Variants in MYO5A observed in about 807,000 individuals in gnomAD.
MYO5A encodes myosin VA, also known as unconventional myosin-Va.
A neutral mutation model predicts 249.7 loss-of-function variants in MYO5A; 98 were observed. That is an observed-to-expected ratio of 0.39 (90% confidence interval 0.33 to 0.46). The LOEUF (loss-of-function observed/expected upper bound fraction) is 0.46. Among genes scored for constraint, MYO5A ranks in the 20% least tolerant of loss-of-function variants. The probability of loss-of-function intolerance (pLI) is 0.98; values close to 1 mark genes in which losing one functional copy is unlikely to be tolerated. For missense variants in MYO5A, 1,696 were observed against 2,308.8 expected (o/e 0.73, Z 5.44); for synonymous variants, 778 against 810.6 (o/e 0.96, Z 0.68).
intron 1 of MYO5A, among the ~76,000 whole-genome samples, chr15:52,467,174 T>A (rs2076370316): frequency 6.6e-6 from 1 of 152,140 alleles, no homozygotes; most frequent in African/African-American, 2.4e-5. Context: ...TGGCAATAGA[T>A]CCTAAGCAGA....
chr15:52,496,229 TGGAAGCAGGGCTTA>T (rs1478049216), intron 1 of MYO5A, among the ~76,000 whole-genome samples: 1 of 152,190 alleles, frequency 6.6e-6, no homozygotes, highest in Admixed American at 6.5e-5. Flanking sequence ...CAGACAGGAC[TGGAAGCAGGGCTTA>T]GATGGCTCAT....
chr15:52,413,564 C>T (rs1403123843), intron 5 of MYO5A, among the ~76,000 whole-genome samples: 2 of 152,098 alleles, frequency 1.3e-5, no homozygotes, highest in African/African-American at 4.8e-5. Flanking sequence ...ACTGGAGACG[C>T]CGATATGCCT....
At chr15:52,402,205 G>A (rs56136255) in intron 9 of MYO5A, among the ~76,000 whole-genome samples, 22,706 of 152,198 alleles carry the variant, frequency 0.15, 1,789 homozygotes, top group Middle Eastern at 0.22. Flanking sequence ...AGACCTTCCA[G>A]GAACTATGAA....
intron 31 of MYO5A, among the ~76,000 whole-genome samples, chr15:52,341,365 T>C (rs1052991630): frequency 6.6e-6 from 1 of 152,224 alleles, no homozygotes; most frequent in African/African-American, 2.4e-5. Context: ...GATGTGGTTT[T>C]AGAACACAAA....
At chr15:52,404,945 T>C (rs540070218) in intron 9 of MYO5A, among the ~76,000 whole-genome samples, 215 of 152,124 alleles carry the variant, frequency 1.4e-3, no homozygotes, top group African/African-American at 5.0e-3. Context: ...CATGATATGA[T>C]CCCTAATAGC....
intron 1 of MYO5A, among the ~76,000 whole-genome samples, chr15:52,460,762 C>T (rs936847327): frequency 6.6e-6 from 1 of 151,990 alleles, no homozygotes; most frequent in East Asian, 1.9e-4. Flanking sequence ...TTTCTCCCCC[C>T]ACCCCAAAAC....
intron 11 of MYO5A, among the ~76,000 whole-genome samples, chr15:52,394,165 G>C (rs1258892117): frequency 6.6e-6 from 1 of 152,170 alleles, no homozygotes; most frequent in East Asian, 1.9e-4. Context: ...TACATCCCCA[G>C]ATCAGGTAAC....
chr15:52,377,497 A>C (rs1025415585), intron 18 of MYO5A, among the ~76,000 whole-genome samples: 9 of 152,118 alleles, frequency 5.9e-5, no homozygotes, highest in African/African-American at 1.9e-4. Flanking sequence ...CCTTATCTAG[A>C]AGTATGCAAA....
intron 24 of MYO5A, among the ~76,000 whole-genome samples, chr15:52,363,200 C>G (rs980012443): frequency 2.4e-4 from 37 of 152,082 alleles, no homozygotes; most frequent in African/African-American, 8.7e-4. Flanking sequence ...AAGAATGGAA[C>G]TGGGGAACAT....
chr15:52,516,951 C>G (rs1415075797), intron 1 of MYO5A, among the ~76,000 whole-genome samples: 1 of 152,010 alleles, frequency 6.6e-6, no homozygotes, highest in East Asian at 1.9e-4. Flanking sequence ...CAGATTGATC[C>G]AAGATCAAGA....
In MYO5A at chr15:52,364,516, A is replaced by G. The variant is rs144895009; in HGVS notation, c.3309+38T>C. ...CTATTTACTTTTGTATATGTTTAAA[A>G]TTTTTCATTAAAAAAAAAACAAAAG... On this transcript the variant is annotated intron_variant, in intron 24 of 41. Transcript: ENST00000399233. The G allele has an allele frequency of 2.1e-4, 330 of 1,583,362 alleles. No individual in the cohort carries two copies. In the African/African-American group the frequency reaches 4.1e-3, roughly 20 times the overall value.
At position 52,333,234 on chromosome 15, in the gene MYO5A, A is replaced by G. The variant is rs571358270; in HGVS notation, c.4409-2735T>C. 3.3e-5 allele frequency among the ~76,000 whole-genome samples: 5 copies of G among 152,340 alleles called. No individual in the cohort carries two copies. In the South Asian group the frequency reaches 1.0e-3, roughly 32 times the overall value. On this transcript the variant is annotated intron_variant, in intron 34 of 41. Coordinates refer to ENST00000399233, the MANE Select transcript of MYO5A (RefSeq NM_001382347.1). ...GAGGAGCCCAATGATCCATTCTTCTAGGAAGACCTGAAAAAAGACTCTAGT... is the reference window on the plus strand; with the variant it reads ...GAGGAGCCCAATGATCCATTCTTCTGGGAAGACCTGAAAAAAGACTCTAGT...
chr15:52,374,769 T>C (rs184279615), intron 20 of MYO5A, among the ~76,000 whole-genome samples: 1 of 152,238 alleles, frequency 6.6e-6, no homozygotes, highest in Non-Finnish European at 1.5e-5. Flanking sequence ...TTTTGTCCCA[T>C]TGATAATGAT....
chr15:52,450,854 T>TTTGTTTTTTGTTTTTTG lies in MYO5A; in HGVS notation c.28-17570_28-17569insCAAAAAACAAAAAACAA, dbSNP rs1567138411. On this transcript the variant is annotated intron_variant, in intron 1 of 41. Coordinates refer to ENST00000399233, the MANE Select transcript of MYO5A (RefSeq NM_001382347.1). The stretch of plus-strand genomic sequence containing the variant: ...ATTGCACTACTGTGGTTTTTTTTTT[T>TTTGTTTTTTGTTTTTTG]TTTTTTTTTTTGTGACAGGGTCTCA... Among the ~76,000 whole-genome samples, 23 of 146,952 alleles carry TTTGTTTTTTGTTTTTTG rather than the reference T, an allele frequency of 1.6e-4. 1 individual carries two copies. Among genetic ancestry groups the TTTGTTTTTTGTTTTTTG allele is most frequent in the East Asian group, 9.9e-4 (5 of 5,070 alleles).
rs750385472 is a variant in MYO5A, at chr15:52,416,190, C to A, written c.567G>T (p.Glu189Asp). Residue 189 changes from glutamate (E) to aspartate (D), a missense_variant, in exon 5 of 42, where the codon GAG becomes GAT. Around this residue, in one of 5 missense-constraint regions of MYO5A, gnomAD observed 197 missense variants for 320.3 expected, o/e 0.62. Transcript: ENST00000399233. ...CCAAGACCTTTTCCTCCACATTGGC[C>A]TCACTGGCAGAACCACTCACAGTTG... ...YFATVSGSAS[E>D]ANVEEKVLAS... 3 of 1,613,958 alleles carry A rather than the reference C, an allele frequency of 1.9e-6. No individual in the cohort carries two copies. In the African/African-American group the frequency reaches 4.0e-5, roughly 22 times the overall value.
intron 28 of MYO5A, among the ~76,000 whole-genome samples, chr15:52,349,947 G>A (rs1163256242): frequency 7.0e-6 from 1 of 143,532 alleles, no homozygotes; most frequent in African/African-American, 2.8e-5. Context: ...ATTATGATTA[G>A]TTTGAGACGG....
intron 11 of MYO5A, among the ~76,000 whole-genome samples, chr15:52,392,334 T>C (rs577234376): frequency 1.3e-5 from 2 of 152,364 alleles, no homozygotes; most frequent in Non-Finnish European, 2.9e-5. Context: ...CTTTTGATTA[T>C]GTATATTTTC....
At chr15:52,382,220 T>A (rs1446004717) in intron 16 of MYO5A, among the ~76,000 whole-genome samples, 1 of 152,238 alleles carries the variant, frequency 6.6e-6, no homozygotes, top group Non-Finnish European at 1.5e-5. Context: ...CTTTTTCATT[T>A]ATTTTTATAC....
chr15:52,484,676 G>C (rs184683713), intron 1 of MYO5A, among the ~76,000 whole-genome samples: 1 of 151,946 alleles, frequency 6.6e-6, no homozygotes, highest in Non-Finnish European at 1.5e-5. Context: ...ACAGAGTCTC[G>C]CTCTGTCCCC....
Sources: allele counts gnomAD v4.1 joint callset (sites outside exome capture counted in the v4.1 genomes callset), GRCh38; gene constraint gnomAD v4.1.1; regional missense constraint gnomAD v4.1.1; transcripts MANE v1.5; gene names NCBI Gene and HGNC (gene_info 2026-07-23, HGNC 2026-07-21).